Variants in ETV5 observed in about 807,000 individuals in gnomAD.
The protein encoded by ETV5 is ETS variant transcription factor 5, also known as ETS translocation variant 5.
In ETV5, 10 loss-of-function variants were observed where a neutral mutation model predicts 70.0. That is an observed-to-expected ratio of 0.14 (90% CI 0.09 to 0.24). The LOEUF (loss-of-function observed/expected upper bound fraction) is 0.24. ETV5 is among the 10% of genes least tolerant of loss of function. The pLI is 1.00. For missense variants in ETV5, 453 were observed against 651.2 expected, an observed-to-expected ratio of 0.70 and a Z score of 3.31; for synonymous variants, 216 against 242.2, an observed-to-expected ratio of 0.89 and a Z score of 1.01.
intron 1 of ETV5, 70 bp from the exon 2 acceptor site, chr3:186,106,012 C>G: frequency 8.4e-7 from 1 of 1,183,838 alleles, no homozygotes; most frequent in Non-Finnish European, 1.2e-6. Context: ...TTTAGACTGC[C>G]TTTTTTTTAG....
Position 186,079,990 on chromosome 3 carries a change from G to A in ETV5, c.477C>T (p.Thr159=). Residue 159 remains threonine (T), a synonymous_variant, in exon 7 of 13, where the codon ACC becomes ACT. Transcript: ENST00000306376. The stretch of plus-strand genomic sequence containing the variant: ...GGCCAGCTGCAGGGGCATGCCCTGA[G>A]GTGGGCAGAGTTGCCTGAGGTGGGG... ...LFPPPQATLP[T]SGHAPAAGPV... is the part of the protein sequence containing the mutation. The A allele has an allele frequency of 1.3e-6, 2 of 1,575,510 alleles. No individual in the cohort carries two copies. The highest frequency in any genetic ancestry group is 1.7e-6 in the Non-Finnish European group (2 of 1,166,274).
intron 12 of ETV5, among the ~76,000 whole-genome samples, chr3:186,050,934 T>C (rs1264898377): frequency 6.6e-6 from 1 of 152,210 alleles, no homozygotes; most frequent in African/African-American, 2.4e-5. Context: ...TTAATAGGTG[T>C]CTTCCATTTT....
intron 5 of ETV5, chr3:186,084,120 G>T (rs1368667364): frequency 2.4e-6 from 1 of 410,886 alleles, no homozygotes; most frequent in Admixed American, 3.2e-5. Context: ...TGCAGATGGT[G>T]CTATGATGTT....
At chr3:186,090,455 C>T (rs142089400) in intron 5 of ETV5, among the ~76,000 whole-genome samples, 1 of 152,256 alleles carries the variant, frequency 6.6e-6, no homozygotes, top group Non-Finnish European at 1.5e-5. Context: ...TACACAAATG[C>T]AAAATGATCA....
chr3:186,062,438 T>G (rs550418724), intron 9 of ETV5, among the ~76,000 whole-genome samples: 1 of 151,986 alleles, frequency 6.6e-6, no homozygotes, highest in African/African-American at 2.4e-5. Flanking sequence ...CTGGCCAACA[T>G]GGTGAAACCC....
At chr3:186,107,777 G>C (rs913754776) in intron 1 of ETV5, among the ~76,000 whole-genome samples, 1 of 151,808 alleles carries the variant, frequency 6.6e-6, no homozygotes, top group Non-Finnish European at 1.5e-5. Flanking sequence ...ATGGGAGAGC[G>C]AGCCGCGGCC....
At chr3:186,071,877 A>T (rs1172661357) in intron 7 of ETV5, among the ~76,000 whole-genome samples, 6 of 151,678 alleles carry the variant, frequency 4.0e-5, no homozygotes, top group African/African-American at 1.4e-4. Flanking sequence ...GGCTCACCGC[A>T]ACCTCCGCCT....
chr3:186,055,062 CTTTA>C (rs1244970435), intron 11 of ETV5, among the ~76,000 whole-genome samples: 1 of 152,200 alleles, frequency 6.6e-6, no homozygotes, highest in Non-Finnish European at 1.5e-5. Context: ...ATATTAGTTT[CTTTA>C]TTAAGTAAGA....
intron 9 of ETV5, among the ~76,000 whole-genome samples, chr3:186,058,746 CAAAT>C (rs1200052064): frequency 1.3e-5 from 2 of 152,184 alleles, no homozygotes; most frequent in African/African-American, 2.4e-5. Flanking sequence ...TTGTTGAAGA[CAAAT>C]AGCCTGTAAT....
At chr3:186,075,579 A>G (rs1414564718) in intron 7 of ETV5, among the ~76,000 whole-genome samples, 1 of 152,200 alleles carries the variant, frequency 6.6e-6, no homozygotes, top group Non-Finnish European at 1.5e-5. Context: ...TTAAGCTCTG[A>G]ATCCTCAATA....
Position 186,105,005 on chromosome 3 carries a change from G to C in ETV5, c.232+300C>G. On this transcript the variant is annotated intron_variant, in intron 5 of 12. Coordinates refer to ENST00000306376, the MANE Select transcript of ETV5 (RefSeq NM_004454.3). This position sits in a 1 kb window ranked among gnomAD's most constrained non-coding sequence, Gnocchi z 4.5. ...GATCCACCTGCCTCAGCCTCCCAAA[G>C]CCCTGGGATTATAGGTGTGAGCCAC... The C allele has an allele frequency of 4.4e-6, 1 of 226,334 alleles. No individual in the cohort carries two copies. The highest frequency in any genetic ancestry group is 9.9e-5 in the East Asian group (1 of 10,072). The allele number at this position is 226,334 out of a possible 1,614,324, so 14.0% of individuals were successfully genotyped here.
In ETV5 at chr3:186,079,938, CG is replaced by C; in HGVS notation, c.528del (p.Ala177ProfsTer30). The C allele has an allele frequency of 2.9e-6, 2 of 687,420 alleles. No homozygotes were observed. Among genetic ancestry groups the C allele is most frequent in the Non-Finnish European group, 3.9e-6 (2 of 518,588 alleles). 42.6% of individuals were successfully genotyped at this position (687,420 alleles called of 1,614,324 possible). ...CCAGGCTCTGGAAGCGAATGGGGGG[CG>C]GGGGCGGGGCCCACACCTTGAACTG... ...AGPVQGVGPA[P>X]APHSLPEPGP... is the part of the protein sequence containing the mutation. On this transcript the variant is annotated frameshift_variant, in exon 7 of 13. Coordinates refer to ENST00000306376, the MANE Select transcript of ETV5 (RefSeq NM_004454.3). LOFTEE classifies it high-confidence loss of function.
chr3:186,064,257 A>G (rs1236153878), intron 9 of ETV5, 160 bp downstream of exon 9: 3 of 655,136 alleles, frequency 4.6e-6, no homozygotes, highest in East Asian at 5.4e-5. Flanking sequence ...TTAAACTATG[A>G]TCTCAAATCT....
intron 5 of ETV5, among the ~76,000 whole-genome samples, chr3:186,096,545 T>C (rs886676285): frequency 6.6e-6 from 1 of 151,778 alleles, no homozygotes; most frequent in African/African-American, 2.4e-5. Flanking sequence ...TTTCAAACTC[T>C]CTCACAAAAG....
chr3:186,070,286 C>T (rs1038557910), intron 7 of ETV5, among the ~76,000 whole-genome samples: 7 of 152,224 alleles, frequency 4.6e-5, no homozygotes, highest in Non-Finnish European at 8.8e-5. Flanking sequence ...GCATGTGCCG[C>T]TCAGTTCTGT....
At chr3:186,071,965 T>G (rs1252999879) in intron 7 of ETV5, among the ~76,000 whole-genome samples, 1 of 151,516 alleles carries the variant, frequency 6.6e-6, no homozygotes, top group African/African-American at 2.4e-5. Flanking sequence ...ACATGGCTAA[T>G]TTTTTTGTAT....
intron 5 of ETV5, among the ~76,000 whole-genome samples, chr3:186,084,760 C>A (rs1207342993): frequency 6.6e-6 from 1 of 152,186 alleles, no homozygotes; most frequent in Admixed American, 6.5e-5. Context: ...TCCGCACTGT[C>A]ATTTTAGTCA....
At chr3:186,070,631 C>T (rs1713609741) in intron 7 of ETV5, among the ~76,000 whole-genome samples, 2 of 152,218 alleles carry the variant, frequency 1.3e-5, no homozygotes, top group African/African-American at 4.8e-5. Context: ...GAGCTTGCTG[C>T]TGATAATGTC....
chr3:186,095,026 AAGG>A (rs1714271097), intron 5 of ETV5: 1 of 152,226 alleles, frequency 6.6e-6, no homozygotes, highest in Admixed American at 6.5e-5. Flanking sequence ...GATTACACCA[AAGG>A]AGGATTCTGA....
Sources: allele counts gnomAD v4.1 joint callset (sites outside exome capture counted in the v4.1 genomes callset), GRCh38; gene constraint gnomAD v4.1.1; non-coding constraint Gnocchi (gnomAD v3.1); transcripts MANE v1.5; gene names NCBI Gene and HGNC (gene_info 2026-07-23, HGNC 2026-07-21).